GPC5: variants seen among roughly 807,000 people sequenced by gnomAD.
The protein encoded by GPC5 is glypican-5.
In GPC5, 47 loss-of-function variants were observed where a neutral mutation model predicts 53.9. That is an observed-to-expected ratio of 0.87 (90% CI 0.69 to 1.11). The LOEUF (loss-of-function observed/expected upper bound fraction) is 1.11, where lower values mean the gene tolerates loss of function less well. GPC5 is among the 50% of genes most tolerant of loss of function. GPC5 has a pLI of 0.00. For synonymous variants in GPC5, 286 were observed against 263.3 expected (o/e 1.09, Z -0.84); for missense variants, 748 against 713.1 (o/e 1.05, Z -0.56).
intron 7 of GPC5, among the ~76,000 whole-genome samples, chr13:92,482,594 G>A (rs1879401172): frequency 6.6e-6 from 1 of 151,940 alleles, no homozygotes; most frequent in Non-Finnish European, 1.5e-5. Context: ...AATACTACTA[G>A]TTATATAATT....
intron 6 of GPC5, among the ~76,000 whole-genome samples, chr13:92,131,646 G>A (rs1471817792): frequency 6.6e-6 from 1 of 151,916 alleles, no homozygotes; most frequent in African/African-American, 2.4e-5. Context: ...TTAATGGAAT[G>A]AATCTATGTA....
intron 6 of GPC5, among the ~76,000 whole-genome samples, chr13:92,035,004 C>T (rs1594736453): frequency 6.6e-6 from 1 of 152,172 alleles, no homozygotes; most frequent in African/African-American, 2.4e-5. Context: ...TATTTAAATA[C>T]CTTTGAATTT....
At chr13:92,393,974 C>T (rs148708884) in intron 7 of GPC5, among the ~76,000 whole-genome samples, 100 of 152,072 alleles carry the variant, frequency 6.6e-4, no homozygotes, top group Non-Finnish European at 1.1e-3. Flanking sequence ...ATTCAAAAAA[C>T]GTATGTAGTA....
intron 7 of GPC5, among the ~76,000 whole-genome samples, chr13:92,586,929 A>T (rs1468650302): frequency 6.7e-6 from 1 of 150,042 alleles, no homozygotes; most frequent in Admixed American, 6.7e-5. Context: ...ACTTGTATAT[A>T]TGTCTTTCTC....
chr13:92,366,392 C>T (rs1275964453), intron 7 of GPC5, among the ~76,000 whole-genome samples: 1 of 151,630 alleles, frequency 6.6e-6, no homozygotes, highest in Admixed American at 6.6e-5. Context: ...TTTTGTATTC[C>T]ACTTGCCTAG....
At chr13:91,807,512 G>C (rs1455449262) in intron 5 of GPC5, among the ~76,000 whole-genome samples, 1 of 152,146 alleles carries the variant, frequency 6.6e-6, no homozygotes, top group Non-Finnish European at 1.5e-5. Context: ...AAAATAACTT[G>C]AGAAGTGAGA....
At chr13:92,499,162 T>C (rs1004348324) in intron 7 of GPC5, among the ~76,000 whole-genome samples, 4 of 152,020 alleles carry the variant, frequency 2.6e-5, no homozygotes. Flanking sequence ...CCAACAGACG[T>C]CCCTTTTATA....
intron 6 of GPC5, among the ~76,000 whole-genome samples, chr13:92,101,312 A>C (rs2138912305): frequency 6.6e-6 from 1 of 152,278 alleles, no homozygotes; most frequent in Admixed American, 6.5e-5. Context: ...TTTCAAAATG[A>C]TATTTTATTT....
chr13:92,838,377 A>C (rs575663857), intron 7 of GPC5, among the ~76,000 whole-genome samples: 1 of 151,376 alleles, frequency 6.6e-6, no homozygotes, highest in African/African-American at 2.4e-5. Context: ...CCAGCTACTC[A>C]GGAGGCTGAG....
At chr13:91,886,785 G>A (rs1015577029) in intron 5 of GPC5, among the ~76,000 whole-genome samples, 10 of 152,228 alleles carry the variant, frequency 6.6e-5, no homozygotes, top group African/African-American at 2.4e-4. Context: ...GCAAGTCACA[G>A]TGATCCAAGT....
intron 7 of GPC5, among the ~76,000 whole-genome samples, chr13:92,604,785 G>T (rs1884196151): frequency 6.6e-6 from 1 of 152,146 alleles, no homozygotes; most frequent in Non-Finnish European, 1.5e-5. Context: ...CCATTACTAA[G>T]TGCTTTTATT....
chr13:92,348,722 A>G (rs886715039), intron 7 of GPC5, among the ~76,000 whole-genome samples: 59 of 152,276 alleles, frequency 3.9e-4, no homozygotes, highest in African/African-American at 1.3e-3. Context: ...TATAGCAAGA[A>G]TCTTCTCTGA....
At chr13:92,495,508 G>A (rs947972986) in intron 7 of GPC5, among the ~76,000 whole-genome samples, 1 of 152,088 alleles carries the variant, frequency 6.6e-6, no homozygotes, top group African/African-American at 2.4e-5. Context: ...TATGCTGCCA[G>A]TCTCGAACCA....
intron 7 of GPC5, among the ~76,000 whole-genome samples, chr13:92,516,436 C>A (rs1400694394): frequency 6.6e-6 from 1 of 152,116 alleles, no homozygotes; most frequent in Non-Finnish European, 1.5e-5. Flanking sequence ...GGGGATAAAA[C>A]TTCTTCCTGC....
intron 6 of GPC5, among the ~76,000 whole-genome samples, chr13:92,003,325 C>CAAAAAAAAAAA (rs57075719): frequency 5.0e-5 from 5 of 100,180 alleles, no homozygotes; most frequent in African/African-American, 7.3e-5. Flanking sequence ...TGTCTTAACA[C>CAAAAAAAAAAA]AAAAAAAAAA....
intron 7 of GPC5, among the ~76,000 whole-genome samples, chr13:92,691,602 C>T (rs891991574): frequency 2.3e-4 from 35 of 152,252 alleles, no homozygotes; most frequent in Non-Finnish European, 5.1e-4. Context: ...CAATTATGCT[C>T]ATTTTAGAAT....
intron 6 of GPC5, among the ~76,000 whole-genome samples, chr13:91,968,307 A>G (rs2040208501): frequency 6.6e-6 from 1 of 152,072 alleles, no homozygotes; most frequent in African/African-American, 2.4e-5. Flanking sequence ...TGTGGTACAT[A>G]GTATCAGATA....
chr13:91,743,617 G>A (rs1256616766), intron 4 of GPC5, among the ~76,000 whole-genome samples: 2 of 152,160 alleles, frequency 1.3e-5, no homozygotes, highest in Non-Finnish European at 2.9e-5. Flanking sequence ...CAATGGCATG[G>A]AATGGAAATG....
intron 7 of GPC5, among the ~76,000 whole-genome samples, chr13:92,697,434 C>T (rs1392686683): frequency 6.6e-6 from 1 of 151,904 alleles, no homozygotes; most frequent in Non-Finnish European, 1.5e-5. Flanking sequence ...AATTGTATTC[C>T]TAGGTATTTT....
Sources: allele counts gnomAD v4.1 joint callset (sites outside exome capture counted in the v4.1 genomes callset), GRCh38; gene constraint gnomAD v4.1.1; transcripts MANE v1.5; gene names NCBI Gene and HGNC (gene_info 2026-07-23, HGNC 2026-07-21).